LOC128462377: variants seen among roughly 807,000 people sequenced by gnomAD.
chr16:89,328,029 A>T, the LOC128462377 span, among the ~76,000 whole-genome samples: 1 of 152,246 alleles, frequency 6.6e-6, no homozygotes. Context: ...ATCAAACAAC[A>T]AACATTAATT....
At chr16:89,375,140 C>A in the LOC128462377 span, among the ~76,000 whole-genome samples, 1 of 152,028 alleles carries the variant, frequency 6.6e-6, no homozygotes, top group Non-Finnish European at 1.5e-5. Context: ...GCGGGACATA[C>A]CACACTGCAC....
chr16:89,404,775 C>A, the LOC128462377 span, among the ~76,000 whole-genome samples: 8 of 152,260 alleles, frequency 5.3e-5, no homozygotes, highest in African/African-American at 1.7e-4. Flanking sequence ...CCACGCCTAC[C>A]TCGCAAGGTC....
the LOC128462377 span, chr16:89,320,373 A>C: frequency 9.2e-5 from 14 of 152,212 alleles, no homozygotes; most frequent in Admixed American, 3.9e-4. Context: ...TATCAGGCAA[A>C]GTCTATTTTA....
At chr16:89,339,417 C>G in the LOC128462377 span, among the ~76,000 whole-genome samples, 1 of 152,192 alleles carries the variant, frequency 6.6e-6, no homozygotes, top group Non-Finnish European at 1.5e-5. Context: ...TGGTCGGTAG[C>G]ATCACACAGG....
the LOC128462377 span, chr16:89,321,222 G>C: frequency 6.6e-6 from 1 of 152,290 alleles, no homozygotes; most frequent in African/African-American, 2.4e-5. Context: ...CACTGACTAC[G>C]GCAAGGTCAG....
the LOC128462377 span, among the ~76,000 whole-genome samples, chr16:89,363,468 A>G: frequency 4.9e-5 from 6 of 122,126 alleles, no homozygotes; most frequent in African/African-American, 1.9e-4. Flanking sequence ...TAAAAGTATA[A>G]TAATAATAAA....
chr16:89,395,326 C>T, the LOC128462377 span, among the ~76,000 whole-genome samples: 210 of 152,328 alleles, frequency 1.4e-3, no homozygotes, highest in African/African-American at 4.9e-3. Context: ...GGAGCAGCGT[C>T]GGTGTGGAAG....
the LOC128462377 span, among the ~76,000 whole-genome samples, chr16:89,344,025 C>A: frequency 6.6e-6 from 1 of 152,184 alleles, no homozygotes; most frequent in Non-Finnish European, 1.5e-5. Context: ...TGCAGGCGGC[C>A]AGCCACTCCT....
At chr16:89,350,444 C>T in the LOC128462377 span, among the ~76,000 whole-genome samples, 1 of 152,294 alleles carries the variant, frequency 6.6e-6, no homozygotes, top group South Asian at 2.1e-4. Flanking sequence ...ATTGGATGAA[C>T]ATGCGACATA....
At chr16:89,413,374 C>G in the LOC128462377 span, among the ~76,000 whole-genome samples, 2 of 152,048 alleles carry the variant, frequency 1.3e-5, no homozygotes, top group Non-Finnish European at 2.9e-5. Flanking sequence ...GCCTGTAATC[C>G]CAGCACTTTG....
chr16:89,353,711 C>G, the LOC128462377 span, among the ~76,000 whole-genome samples: 1 of 152,184 alleles, frequency 6.6e-6, no homozygotes, highest in African/African-American at 2.4e-5. Flanking sequence ...AACTCCTGAC[C>G]TCAGCTGATC....
chr16:89,324,980 AG>A, the LOC128462377 span: 1 of 164,398 alleles, frequency 6.1e-6, no homozygotes, highest in East Asian at 1.9e-4. Flanking sequence ...GTACTGGTGA[AG>A]GGGTGGAGCA....
chr16:89,317,117 G>A, the LOC128462377 span: 2 of 1,373,000 alleles, frequency 1.5e-6, no homozygotes, highest in South Asian at 1.2e-5. Flanking sequence ...GAATTCAGAG[G>A]CAGCTCAAAA....
At chr16:89,383,166 T>TGCTGAGTAAAGGGA in the LOC128462377 span, among the ~76,000 whole-genome samples, 6 of 152,216 alleles carry the variant, frequency 3.9e-5, no homozygotes, top group Admixed American at 3.9e-4. Context: ...CCGCCTGTGC[T>TGCTGAGTAAAGGGA]GCTGAGTAAA....
At chr16:89,393,023 T>C in the LOC128462377 span, among the ~76,000 whole-genome samples, 1 of 152,006 alleles carries the variant, frequency 6.6e-6, no homozygotes, top group Non-Finnish European at 1.5e-5. Flanking sequence ...TTCTACTTCT[T>C]ATTCAAGGCC....
the LOC128462377 span, among the ~76,000 whole-genome samples, chr16:89,391,568 C>A: frequency 6.6e-6 from 1 of 152,204 alleles, no homozygotes; most frequent in Non-Finnish European, 1.5e-5. Flanking sequence ...AAGGAAAAAT[C>A]TGAGTTTTCC....
At chr16:89,373,615 C>CG in the LOC128462377 span, 2 of 152,228 alleles carry the variant, frequency 1.3e-5, no homozygotes, top group Admixed American at 6.5e-5. Context: ...AGGCTGACGT[C>CG]GGAAGTTCAC....
At chr16:89,386,029 G>A in the LOC128462377 span, among the ~76,000 whole-genome samples, 4 of 152,238 alleles carry the variant, frequency 2.6e-5, no homozygotes, top group African/African-American at 7.2e-5. Flanking sequence ...ACGGGTGTGC[G>A]CCGCCATGCC....
At chr16:89,326,440 C>G in the LOC128462377 span, among the ~76,000 whole-genome samples, 581 of 151,666 alleles carry the variant, frequency 3.8e-3, 2 homozygotes, top group African/African-American at 0.014. Context: ...ACTGCTCAAT[C>G]TACCCCCAAA....
Sources: allele counts gnomAD v4.1 joint callset (sites outside exome capture counted in the v4.1 genomes callset), GRCh38; gene constraint gnomAD v4.1.1; transcripts MANE v1.5.